The following AGL variants were observed in gnomAD, a reference collection of about 807,000 sequenced individuals.
The protein encoded by AGL is glycogen debranching enzyme.
AGL carries 128 observed loss-of-function variants against 199.3 expected under a neutral mutation model. The ratio of observed to expected loss-of-function variants is 0.64; its 90% CI spans 0.56 to 0.74. The LOEUF (loss-of-function observed/expected upper bound fraction) is 0.74, where lower values mean the gene tolerates loss of function less well. AGL is among the 30% of genes least tolerant of loss of function. The probability of loss-of-function intolerance (pLI) is 0.00; values close to 1 mark genes in which losing one functional copy is unlikely to be tolerated. For synonymous variants in AGL, 584 were observed against 594.7 expected (o/e 0.98, Z 0.26); for missense variants, 1,809 against 1,820.8 (o/e 0.99, Z 0.12).
Position 99,888,255 on chromosome 1 carries a change from A to C in AGL, c.2812+147A>C, listed in dbSNP as rs1015066552. 11 of 982,460 alleles carry C rather than the reference A, an allele frequency of 1.1e-5. No individual in the cohort carries two copies. The African/African-American group carries it at 1.8e-4, about 16-fold the overall frequency. 60.9% of individuals were successfully genotyped at this position (982,460 alleles called of 1,614,324 possible). A position where few individuals can be genotyped will look rare whatever the true frequency, so the allele number is the denominator to read the frequency against. On this transcript the variant is annotated intron_variant, in intron 21 of 33. Transcript: ENST00000361915. ...TCTGCTCATTAATTGACCTTTGGCA[A>C]GTAATATAACCTCTTTGTGTGCCAA... is the stretch of plus-strand genomic sequence containing the variant.
intron 2 of AGL, among the ~76,000 whole-genome samples, chr1:99,853,323 C>T (rs959703704): frequency 1.3e-5 from 2 of 152,192 alleles, no homozygotes; most frequent in Non-Finnish European, 2.9e-5. Context: ...TAATTCCCTT[C>T]TCAGCAGGTT....
chr1:99,886,792 G>A (rs1026804248), intron 20 of AGL, among the ~76,000 whole-genome samples: 2 of 152,092 alleles, frequency 1.3e-5, no homozygotes, highest in Non-Finnish European at 2.9e-5. Flanking sequence ...TATTGTTAAG[G>A]ATATTAACTC....
rs949538464 is a variant in AGL at position 99,869,240 on chromosome 1, C to G, written c.665-1160C>G. On this transcript the variant is annotated intron_variant, in intron 5 of 33. Transcript: ENST00000361915. ...ATTGTGTTGATGAATCTCGGAGGAA[C>G]TACTTAATGCAAGTTTTGAGAATTA... is the stretch of plus-strand genomic sequence containing the variant. Among the ~76,000 whole-genome samples the G allele has an allele frequency of 2.6e-5, 4 of 152,264 alleles. No homozygotes were observed. In the East Asian group the frequency reaches 7.7e-4, roughly 29 times the overall value.
intron 27 of AGL, among the ~76,000 whole-genome samples, chr1:99,907,693 G>GTTTTTTTTTTGTTT (rs71075465): frequency 5.9e-5 from 7 of 118,944 alleles, no homozygotes; most frequent in East Asian, 2.7e-4. Context: ...TTTGTTTTTT[G>GTTTTTTTTTTGTTT]TTTTTTTTGC....
Position 99,910,702 on chromosome 1 carries a change from T to G in AGL, c.3701-10T>G, listed in dbSNP as rs766309044. On this transcript the variant is annotated splice_polypyrimidine_tract_variant and intron_variant, in intron 27 of 33. Transcript: ENST00000361915. ...ATAAAATTTTATTTTATACACATTT[T>G]GTTTTTTAGGTTTTAATATAACTGC... The G allele has an allele frequency of 7.1e-6, 11 of 1,541,114 alleles. No individual in the cohort carries two copies. Among genetic ancestry groups the G allele is most frequent in the South Asian group, 1.2e-5 (1 of 85,890 alleles).
At chr1:99,897,967 A>G (rs1032478569) in intron 25 of AGL, among the ~76,000 whole-genome samples, 2 of 152,170 alleles carry the variant, frequency 1.3e-5, no homozygotes, top group Non-Finnish European at 1.5e-5. Flanking sequence ...TTAATTTTAC[A>G]TAGAACTGTC....
At chr1:99,864,058 C>T (rs771230926) in intron 4 of AGL, among the ~76,000 whole-genome samples, 10 of 152,118 alleles carry the variant, frequency 6.6e-5, no homozygotes, top group African/African-American at 1.9e-4. Context: ...AGTAGAAACA[C>T]GTGTTGATAT....
intron 27 of AGL, among the ~76,000 whole-genome samples, chr1:99,905,258 G>A (rs1046630573): frequency 5.9e-5 from 9 of 152,198 alleles, no homozygotes; most frequent in South Asian, 2.1e-4. Flanking sequence ...GTGCAGTGGC[G>A]CAATCTCAGC....
intron 5 of AGL, among the ~76,000 whole-genome samples, chr1:99,866,100 C>T (rs544513476): frequency 1.3e-5 from 2 of 152,178 alleles, no homozygotes; most frequent in South Asian, 4.2e-4. Context: ...AGACCCCCAT[C>T]TCTTACAAAA....
chr1:99,911,288 A>C (rs1654734586), intron 28 of AGL, among the ~76,000 whole-genome samples: 1 of 152,170 alleles, frequency 6.6e-6, no homozygotes, highest in African/African-American at 2.4e-5. Flanking sequence ...TCATTTAAGA[A>C]GTTTTTATCA....
intron 26 of AGL, 24 bp downstream of exon 26, chr1:99,900,885 T>C: frequency 1.3e-6 from 2 of 1,495,116 alleles, no homozygotes; most frequent in Non-Finnish European, 1.8e-6. Flanking sequence ...TTAAAATGTT[T>C]TTTTGTTTTT....
rs201201443 is a variant in AGL at position 99,884,704 on chromosome 1, G to T, written c.2681+1G>T. On this transcript the variant is annotated splice_donor_variant, in intron 20 of 33. Transcript: ENST00000361915. LOFTEE classifies it high-confidence loss of function. Reference sequence around the variant, plus strand: ...CTATATTAAAAATTCCTTTTGCTTCGTAAGTATGCCTTGTTTGGTAGAGAT... The same window carrying T: ...CTATATTAAAAATTCCTTTTGCTTCTTAAGTATGCCTTGTTTGGTAGAGAT... 4 of 1,613,588 alleles carry T rather than the reference G, an allele frequency of 2.5e-6. No individual in the cohort carries two copies. The Admixed American group carries it at 6.7e-5, about 27-fold the overall frequency.
intron 27 of AGL, among the ~76,000 whole-genome samples, chr1:99,910,196 T>C (rs902066904): frequency 6.6e-6 from 1 of 152,210 alleles, no homozygotes; most frequent in Non-Finnish European, 1.5e-5. Flanking sequence ...AGCAAAATAA[T>C]GTACATTGTA....
rs2307129 is a variant in AGL, at chr1:99,861,470, C to T, written c.83-33C>T. 290,583 of 1,611,300 alleles carry T rather than the reference C, an allele frequency of 0.18. 28,789 individuals carry two copies. The highest frequency in any genetic ancestry group is 0.39 in the African/African-American group (29,381 of 74,810). On this transcript the variant is annotated intron_variant, in intron 2 of 33. Coordinates refer to ENST00000361915, the MANE Select transcript of AGL (RefSeq NM_000642.3). Reference sequence around the variant, plus strand: ...TTTCAATGTGGTAATTTAAGTCCTACGATGAGTTTATTAACATGTGCTTTT... The same window carrying T: ...TTTCAATGTGGTAATTTAAGTCCTATGATGAGTTTATTAACATGTGCTTTT...
intron 27 of AGL, among the ~76,000 whole-genome samples, chr1:99,908,031 A>G (rs555187674): frequency 2.0e-5 from 3 of 152,186 alleles, no homozygotes; most frequent in Admixed American, 1.3e-4. Flanking sequence ...ATTAAGTCCA[A>G]TTTATCTACT....
chr1:99,910,990 T>A, intron 28 of AGL, 143 bp downstream of exon 28: 1 of 831,766 alleles, frequency 1.2e-6, no homozygotes, highest in Non-Finnish European at 1.9e-6. Flanking sequence ...ATCTCCCCAT[T>A]ATACATTTAC....
At chr1:99,897,441 G>A (rs1168126906) in intron 25 of AGL, among the ~76,000 whole-genome samples, 1 of 152,194 alleles carries the variant, frequency 6.6e-6, no homozygotes, top group East Asian at 1.9e-4. Context: ...ACGATACCTT[G>A]TTTTGATGCC....
chr1:99,861,729 T>C lies in AGL; in HGVS notation c.293+16T>C. The stretch of plus-strand genomic sequence containing the variant: ...TCCTTCAAGGGTAAGTCAGGTGTTT[T>C]GTTTGTGAGAAAAAAAGTTAATTTG... On this transcript the variant is annotated intron_variant, in intron 3 of 33. Coordinates refer to ENST00000361915, the MANE Select transcript of AGL (RefSeq NM_000642.3). 6.2e-7 allele frequency: 1 copy of C among 1,612,554 alleles called. No individual in the cohort carries two copies. Among genetic ancestry groups the C allele is most frequent in the Middle Eastern group, 1.7e-4 (1 of 5,796 alleles).
chr1:99,894,936 T>C (rs1383486925), intron 24 of AGL, among the ~76,000 whole-genome samples: 1 of 152,234 alleles, frequency 6.6e-6, no homozygotes, highest in African/African-American at 2.4e-5. Context: ...GCAAACAAGA[T>C]AATTTTCAGA....
Sources: allele counts gnomAD v4.1 joint callset (sites outside exome capture counted in the v4.1 genomes callset), GRCh38; gene constraint gnomAD v4.1.1; transcripts MANE v1.5; gene names NCBI Gene and HGNC (gene_info 2026-07-23, HGNC 2026-07-21).